SEMA6D: variants seen among roughly 807,000 people sequenced by gnomAD.
SEMA6D encodes the protein semaphorin-6D.
Under a neutral mutation model 106.6 loss-of-function variants are expected in SEMA6D, and 35 were observed. The ratio of observed to expected loss-of-function variants is 0.33; its 90% CI spans 0.25 to 0.44. The LOEUF (loss-of-function observed/expected upper bound fraction) is 0.44, where lower values mean the gene tolerates loss of function less well. Among genes scored for constraint, SEMA6D ranks in the 20% least tolerant of loss-of-function variants. The probability of loss-of-function intolerance (pLI) is 1.00; values close to 1 mark genes in which losing one functional copy is unlikely to be tolerated. For synonymous variants in SEMA6D, 499 were observed against 487.7 expected, an observed-to-expected ratio of 1.02 and a Z score of -0.31; for missense variants, 1,185 against 1,345.9, an observed-to-expected ratio of 0.88 and a Z score of 1.87.
chr15:47,741,455 G>A (rs1462379934), intron 1 of SEMA6D, among the ~76,000 whole-genome samples: 2 of 152,210 alleles, frequency 1.3e-5, no homozygotes, highest in African/African-American at 2.4e-5. Flanking sequence ...AGTGGCTCAC[G>A]CCTGTAATCC....
intron 1 of SEMA6D, among the ~76,000 whole-genome samples, chr15:47,320,679 A>G (rs1035458630): frequency 1.6e-4 from 24 of 152,136 alleles, no homozygotes; most frequent in Non-Finnish European, 3.2e-4. Context: ...TAGGCCTGCA[A>G]TGCCCTTTCT....
At chr15:47,657,036 G>C (rs148860977) in intron 4 of SEMA6D, among the ~76,000 whole-genome samples, 1 of 152,314 alleles carries the variant, frequency 6.6e-6, no homozygotes, top group East Asian at 1.9e-4. Context: ...TCGAATGCCA[G>C]ATTCACCTGA....
intron 1 of SEMA6D, among the ~76,000 whole-genome samples, chr15:47,378,368 C>T (rs577135961): frequency 1.8e-4 from 27 of 152,240 alleles, no homozygotes; most frequent in Admixed American, 1.3e-3. Context: ...TGGTGGCACG[C>T]GCCTGTAATC....
At chr15:47,429,950 G>C (rs1436142664) in intron 2 of SEMA6D, among the ~76,000 whole-genome samples, 1 of 152,020 alleles carries the variant, frequency 6.6e-6, no homozygotes, top group Non-Finnish European at 1.5e-5. Context: ...CACAGACCAA[G>C]CATCTTATAT....
At chr15:47,583,196 C>G (rs536851641) in intron 3 of SEMA6D, among the ~76,000 whole-genome samples, 1 of 152,176 alleles carries the variant, frequency 6.6e-6, no homozygotes, top group Non-Finnish European at 1.5e-5. Flanking sequence ...CTGCTAAACA[C>G]GTGAGTTCCA....
chr15:47,685,089 C>G (rs1055780836), intron 4 of SEMA6D, among the ~76,000 whole-genome samples: 3 of 152,208 alleles, frequency 2.0e-5, no homozygotes, highest in African/African-American at 7.2e-5. Context: ...TAGTCCTCTT[C>G]AAATGTTTCC....
intron 3 of SEMA6D, among the ~76,000 whole-genome samples, chr15:47,485,642 A>T (rs769635524): frequency 2.0e-5 from 3 of 152,156 alleles, no homozygotes; most frequent in Non-Finnish European, 4.4e-5. Flanking sequence ...ACTGTCCAGA[A>T]CTGATGACAC....
intron 4 of SEMA6D, among the ~76,000 whole-genome samples, chr15:47,642,988 G>A (rs79657946): frequency 0.018 from 2,743 of 152,166 alleles, 87 homozygotes; most frequent in African/African-American, 0.063. Flanking sequence ...TACAGACAGA[G>A]ATGGAAATAG....
At chr15:47,493,020 A>G (rs1303866632) in intron 3 of SEMA6D, among the ~76,000 whole-genome samples, 2 of 152,130 alleles carry the variant, frequency 1.3e-5, no homozygotes, top group Non-Finnish European at 2.9e-5. Flanking sequence ...CATCCAACCC[A>G]CCATGCTAAG....
intron 4 of SEMA6D, among the ~76,000 whole-genome samples, chr15:47,653,497 C>A (rs2077731889): frequency 6.6e-6 from 1 of 152,194 alleles, no homozygotes; most frequent in South Asian, 2.1e-4. Flanking sequence ...TCTAGTGTTT[C>A]CTTCATTTGT....
chr15:47,559,958 G>A (rs1017988446), intron 3 of SEMA6D, among the ~76,000 whole-genome samples: 1 of 152,076 alleles, frequency 6.6e-6, no homozygotes, highest in African/African-American at 2.4e-5. Flanking sequence ...TGATCCCTAG[G>A]AAGTTAGACT....
At chr15:47,496,689 G>T (rs541995099) in intron 3 of SEMA6D, among the ~76,000 whole-genome samples, 16 of 151,922 alleles carry the variant, frequency 1.1e-4, no homozygotes, top group African/African-American at 3.6e-4. Context: ...TCATTTTCCC[G>T]GTTTGTTATC....
At chr15:47,422,988 A>G (rs2041220079) in intron 2 of SEMA6D, among the ~76,000 whole-genome samples, 1 of 152,096 alleles carries the variant, frequency 6.6e-6, no homozygotes, top group Non-Finnish European at 1.5e-5. Flanking sequence ...GAGGAGAAAA[A>G]AAGACCTTTG....
chr15:47,274,120 T>C (rs1233145218), intron 1 of SEMA6D: 1 of 152,156 alleles, frequency 6.6e-6, no homozygotes, highest in Non-Finnish European at 1.5e-5. Flanking sequence ...TTGAAAATGT[T>C]GTCTTGCACA....
At chr15:47,520,741 A>G (rs1179499995) in intron 3 of SEMA6D, among the ~76,000 whole-genome samples, 1 of 152,190 alleles carries the variant, frequency 6.6e-6, no homozygotes, top group East Asian at 1.9e-4. Flanking sequence ...CAAAGATCAA[A>G]TAATGGGGGA....
intron 1 of SEMA6D, among the ~76,000 whole-genome samples, chr15:47,325,718 A>T (rs1358517571): frequency 2.0e-5 from 3 of 152,270 alleles, no homozygotes; most frequent in African/African-American, 7.2e-5. Flanking sequence ...CTCTCCATTT[A>T]CCATACTGTT....
chr15:47,474,751 TC>T (rs34299666), intron 3 of SEMA6D, among the ~76,000 whole-genome samples: 1 of 152,212 alleles, frequency 6.6e-6, no homozygotes, highest in Admixed American at 6.5e-5. Context: ...TTTGTCATTT[TC>T]CCTGTATTCC....
chr15:47,286,673 A>T (rs1386943762), intron 1 of SEMA6D, among the ~76,000 whole-genome samples: 2 of 152,154 alleles, frequency 1.3e-5, no homozygotes, highest in African/African-American at 2.4e-5. Context: ...ATAGATAGGC[A>T]TTTGGAAAAG....
chr15:47,730,022 G>A (rs928674898), intron 1 of SEMA6D: 2 of 557,068 alleles, frequency 3.6e-6, no homozygotes, highest in Admixed American at 5.9e-5. Flanking sequence ...TTCTAGTAGT[G>A]AGATCCCTTA....
Sources: allele counts gnomAD v4.1 joint callset (sites outside exome capture counted in the v4.1 genomes callset), GRCh38; gene constraint gnomAD v4.1.1; transcripts MANE v1.5; gene names NCBI Gene and HGNC (gene_info 2026-07-23, HGNC 2026-07-21).